The following SLC26A7 variants were observed in gnomAD, a reference collection of about 807,000 sequenced individuals.
The protein encoded by SLC26A7 is anion exchange transporter.
In SLC26A7, 59 loss-of-function variants were observed where a neutral mutation model predicts 82.5. That is an observed-to-expected ratio of 0.72 (90% CI 0.58 to 0.89). SLC26A7 has a LOEUF of 0.89. Among genes scored for constraint, SLC26A7 ranks in the 40% least tolerant of loss-of-function variants. The pLI is 0.00. For missense variants in SLC26A7, 820 were observed against 793.0 expected (o/e 1.03, Z -0.41); for synonymous variants, 271 against 274.3 (o/e 0.99, Z 0.12).
intron 1 of SLC26A7, among the ~76,000 whole-genome samples, chr8:91,213,829 T>C (rs1340732333): frequency 6.6e-6 from 1 of 152,088 alleles, no homozygotes; most frequent in Non-Finnish European, 1.5e-5. Flanking sequence ...GAATAAATCA[T>C]GTTCATAGGG....
At chr8:91,319,938 T>C (rs1465328840) in intron 5 of SLC26A7, among the ~76,000 whole-genome samples, 2 of 151,746 alleles carry the variant, frequency 1.3e-5, no homozygotes, top group Admixed American at 6.6e-5. Context: ...GGAATGTGTA[T>C]AAACTTCTAT....
In SLC26A7 at chr8:91,343,453, G is replaced by T; in HGVS notation, c.1127G>T (p.Gly376Val). The T allele has an allele frequency of 6.2e-7, 1 of 1,611,408 alleles. No individual in the cohort carries two copies. Residue 376 changes from glycine (G) to valine (V), a missense_variant, in exon 9 of 19, where the codon GGA becomes GTA. By Grantham distance (109) the Gly-to-Val change is moderately radical. Transcript: ENST00000276609. ...AGGACGGCTGGCCTGTACAGCACAGGAGCGAAGACACAGGTAACTGAATTG... is the reference window on the plus strand; with the variant it reads ...AGGACGGCTGGCCTGTACAGCACAGTAGCGAAGACACAGGTAACTGAATTG... ...MGRTAGLYST[G>V]AKTQVACLIS...
At chr8:91,244,943 G>T (rs1174171280), upstream of SLC26A7, among the ~76,000 whole-genome samples, 1 of 152,100 alleles carries the variant, frequency 6.6e-6, no homozygotes, top group African/African-American at 2.4e-5. Flanking sequence ...CTATTGGAAA[G>T]TTTAATCCAA....
intron 2 of SLC26A7, among the ~76,000 whole-genome samples, chr8:91,273,703 G>A (rs1187878526): frequency 1.3e-5 from 2 of 152,070 alleles, no homozygotes; most frequent in Non-Finnish European, 2.9e-5. Flanking sequence ...TAGGCAACTT[G>A]GAAAGGCCAT....
chr8:91,385,623 T>A (rs1814779561), intron 15 of SLC26A7, among the ~76,000 whole-genome samples: 1 of 152,158 alleles, frequency 6.6e-6, no homozygotes, highest in Non-Finnish European at 1.5e-5. Flanking sequence ...TACAAATACT[T>A]CAATTAAAGG....
At chr8:91,315,545 C>T (rs1424793958) in intron 4 of SLC26A7, among the ~76,000 whole-genome samples, 1 of 151,628 alleles carries the variant, frequency 6.6e-6, no homozygotes, top group African/African-American at 2.4e-5. Context: ...TTGACAAATA[C>T]AGTCGCTAAA....
intron 1 of SLC26A7, among the ~76,000 whole-genome samples, chr8:91,217,495 G>A (rs571526504): frequency 6.6e-6 from 1 of 152,108 alleles, no homozygotes; most frequent in African/African-American, 2.4e-5. Flanking sequence ...GAATGTCCTG[G>A]GGCTGATGTT....
chr8:91,264,538 TCA>T, intron 2 of SLC26A7, among the ~76,000 whole-genome samples: 1 of 152,084 alleles, frequency 6.6e-6, no homozygotes, highest in East Asian at 1.9e-4. Flanking sequence ...TCCTGGAAGG[TCA>T]CCACACTAGA....
At chr8:91,214,847 A>C (rs11784415) in intron 1 of SLC26A7, among the ~76,000 whole-genome samples, 53,767 of 151,576 alleles carry the variant, frequency 0.35, 12,141 homozygotes, top group South Asian at 0.59. Flanking sequence ...CAGAAATTCA[A>C]CATGGGTCTC....
Position 91,259,418 on chromosome 8 carries a change from C to T in SLC26A7, c.193+9574C>T, listed in dbSNP as rs1810899416. ...TCAGCTCAAGGACAACATGACTGGCCAAGGTCATCAAAGCATTTAGAATAA... is the reference window on the plus strand; with the variant it reads ...TCAGCTCAAGGACAACATGACTGGCTAAGGTCATCAAAGCATTTAGAATAA... On this transcript the variant is annotated intron_variant, in intron 2 of 18. Transcript: ENST00000276609. Among the ~76,000 whole-genome samples, 4 of 152,012 alleles carry T rather than the reference C, an allele frequency of 2.6e-5. No homozygotes were observed. The South Asian group carries it at 8.3e-4, about 32-fold the overall frequency.
At chr8:91,267,361 G>T (rs912427631) in intron 2 of SLC26A7, among the ~76,000 whole-genome samples, 11 of 151,972 alleles carry the variant, frequency 7.2e-5, no homozygotes, top group Admixed American at 2.0e-4. Context: ...ATGTTCGATA[G>T]AATTCAGCAG....
At chr8:91,330,165 T>C (rs569194189) in intron 5 of SLC26A7, among the ~76,000 whole-genome samples, 13 of 152,236 alleles carry the variant, frequency 8.5e-5, no homozygotes, top group African/African-American at 3.1e-4. Context: ...ATTTTAACTG[T>C]ATGGATAAAA....
rs146002356 is a variant in SLC26A7, at chr8:91,249,780, G to A, written c.129G>A (p.Leu43=). 1 of 1,612,412 alleles carries A rather than the reference G, an allele frequency of 6.2e-7. No individual in the cohort carries two copies. The highest frequency in any genetic ancestry group is 1.3e-5 in the African/African-American group (1 of 74,774). The change falls in exon 2 of 19, where the codon CTG becomes CTA. Residue 43 remains leucine, a synonymous_variant. Coordinates refer to ENST00000276609, the MANE Select transcript of SLC26A7 (RefSeq NM_052832.4). ...TGGATTGGGCACCACATTACAATCT[G>A]AAAGAAAACTTGCTTCCAGACACTG... is the stretch of plus-strand genomic sequence containing the variant. ...PILDWAPHYN[L]KENLLPDTVS... is the part of the protein sequence containing the mutation.
intron 2 of SLC26A7, among the ~76,000 whole-genome samples, chr8:91,271,590 C>CTTTT (rs67904308): frequency 3.0e-4 from 34 of 113,708 alleles, no homozygotes; most frequent in African/African-American, 5.5e-4. Flanking sequence ...CTAGAGAAAT[C>CTTTT]TTTTTTTTTT....
chr8:91,247,995 A>T (rs528070687), upstream of SLC26A7, among the ~76,000 whole-genome samples: 14 of 152,268 alleles, frequency 9.2e-5, no homozygotes, highest in Admixed American at 7.2e-4. Context: ...AAAAGTAAAG[A>T]TTGCTTTTTG....
chr8:91,336,873 A>G (rs1260666265), intron 6 of SLC26A7, among the ~76,000 whole-genome samples: 1 of 152,032 alleles, frequency 6.6e-6, no homozygotes, highest in African/African-American at 2.4e-5. Context: ...GCTATGGCAT[A>G]TTTTCTTTAT....
At chr8:91,283,727 G>A (rs1432294273) in intron 2 of SLC26A7, among the ~76,000 whole-genome samples, 3 of 152,190 alleles carry the variant, frequency 2.0e-5, no homozygotes, top group African/African-American at 7.2e-5. Flanking sequence ...ACATCACTCT[G>A]CCATCTCCAC....
At chr8:91,358,405 T>C (rs1323137562) in intron 11 of SLC26A7, among the ~76,000 whole-genome samples, 14 of 150,530 alleles carry the variant, frequency 9.3e-5, no homozygotes, top group Admixed American at 1.3e-4. Context: ...CTTGGCTCAC[T>C]GCAAGCTCCA....
chr8:91,327,521 G>A (rs1263684178), intron 5 of SLC26A7, among the ~76,000 whole-genome samples: 1 of 152,046 alleles, frequency 6.6e-6, no homozygotes, highest in African/African-American at 2.4e-5. Context: ...CTATCTATAT[G>A]CTGATTATGC....
Sources: allele counts gnomAD v4.1 joint callset (sites outside exome capture counted in the v4.1 genomes callset), GRCh38; gene constraint gnomAD v4.1.1; transcripts MANE v1.5; gene names NCBI Gene and HGNC (gene_info 2026-07-23, HGNC 2026-07-21).